The following CTTNBP2NL variants were observed in gnomAD, a reference collection of about 807,000 sequenced individuals.
The protein encoded by CTTNBP2NL is CTTNBP2 N-terminal-like protein.
CTTNBP2NL carries 16 observed loss-of-function variants against 32.5 expected under a neutral mutation model. The observed-to-expected ratio is 0.49, with a 90% CI of 0.33 to 0.75. The LOEUF (loss-of-function observed/expected upper bound fraction) is 0.75, where lower values mean the gene tolerates loss of function less well. Among genes scored for constraint, CTTNBP2NL ranks in the 30% least tolerant of loss-of-function variants. The probability of loss-of-function intolerance (pLI) is 0.02; values close to 1 mark genes in which losing one functional copy is unlikely to be tolerated. For missense variants in CTTNBP2NL, 645 were observed against 756.0 expected (o/e 0.85, Z 1.72); for synonymous variants, 298 against 289.4 (o/e 1.03, Z -0.30).
rs56784970 is a variant in CTTNBP2NL, at chr1:112,400,966, CAAAAAA to C, written c.-134+4713_-134+4718del. On this transcript the variant is annotated intron_variant, in intron 1 of 5. Transcript: ENST00000271277. ...GGGTGACACAGCAAGACTCTGTCAC[CAAAAAA>C]AAAAAAAAAAAAAAAAAAGGATTAC... Among the ~76,000 whole-genome samples, 129 of 102,886 alleles carry C rather than the reference CAAAAAA, an allele frequency of 1.3e-3. 1 individual carries two copies. The highest frequency in any genetic ancestry group is 4.7e-3 in the African/African-American group (122 of 25,826). The allele number at this position is 102,886 out of a possible 152,430, so 67.5% of individuals were successfully genotyped here.
upstream of CTTNBP2NL, among the ~76,000 whole-genome samples, chr1:112,393,399 T>C (rs1648230846): frequency 6.6e-6 from 1 of 152,206 alleles, no homozygotes; most frequent in Non-Finnish European, 1.5e-5. Flanking sequence ...TTAAGCACTT[T>C]AAGTTGTTGC....
At chr1:112,455,884 C>T in intron 5 of CTTNBP2NL, 47 bp from the exon 6 acceptor site, 1 of 1,400,188 alleles carries the variant, frequency 7.1e-7, no homozygotes, top group South Asian at 1.4e-5. Context: ...AGACAGTCTA[C>T]TTGATCACAG....
At chr1:112,405,444 T>C (rs1239464221) in intron 1 of CTTNBP2NL, among the ~76,000 whole-genome samples, 3 of 152,108 alleles carry the variant, frequency 2.0e-5, no homozygotes, top group Non-Finnish European at 4.4e-5. Context: ...ATCACAGGTG[T>C]GCGCCACCAT....
rs1299475827 is a variant in CTTNBP2NL at position 112,454,441 on chromosome 1, C to A, written c.331-8C>A. ...ATTTGAAAATGAAATTTAAAAAATT[C>A]TTTAAAGGTGATCCTAGACCTTGAG... On this transcript the variant is annotated splice_region_variant and splice_polypyrimidine_tract_variant and intron_variant, in intron 4 of 5. Coordinates refer to ENST00000271277, the MANE Select transcript of CTTNBP2NL (RefSeq NM_018704.3). The A allele has an allele frequency of 5.6e-6, 9 of 1,603,908 alleles. No individual in the cohort carries two copies. Among genetic ancestry groups the A allele is most frequent in the South Asian group, 1.1e-5 (1 of 90,478 alleles).
intron 5 of CTTNBP2NL, 149 bp downstream of exon 5, chr1:112,454,705 G>T (rs58288412): frequency 1.4e-5 from 9 of 653,038 alleles, no homozygotes; most frequent in Non-Finnish European, 1.7e-5. Context: ...AAGTTAAACA[G>T]GTTTCTAACT....
chr1:112,445,395 T>A (rs1408193554), intron 3 of CTTNBP2NL, among the ~76,000 whole-genome samples: 1 of 152,166 alleles, frequency 6.6e-6, no homozygotes, highest in Non-Finnish European at 1.5e-5. Flanking sequence ...GGGGTTTTTT[T>A]ATTATTTATA....
At chr1:112,452,335 C>CTTTTTTTTTTTTT (rs1157736195) in intron 4 of CTTNBP2NL, among the ~76,000 whole-genome samples, 1 of 65,688 alleles carries the variant, frequency 1.5e-5, no homozygotes, top group African/African-American at 6.1e-5. Flanking sequence ...CCAGTCTCTT[C>CTTTTTTTTTTTTT]TTTTTTTTTT....
At chr1:112,452,067 G>T (rs1650236586) in intron 4 of CTTNBP2NL, among the ~76,000 whole-genome samples, 1 of 152,006 alleles carries the variant, frequency 6.6e-6, no homozygotes, top group Non-Finnish European at 1.5e-5. Flanking sequence ...CTCCCAAAAG[G>T]GAGAAGATAA....
At chr1:112,415,522 C>T (rs537845075) in intron 2 of CTTNBP2NL, among the ~76,000 whole-genome samples, 2 of 150,806 alleles carry the variant, frequency 1.3e-5, no homozygotes, top group Admixed American at 6.6e-5. Flanking sequence ...ACAATTTTAC[C>T]TGAAAAATCA....
intron 1 of CTTNBP2NL, among the ~76,000 whole-genome samples, chr1:112,409,441 T>A (rs1759689): frequency 0.34 from 51,320 of 152,050 alleles, 9,112 homozygotes; most frequent in East Asian, 0.55. Flanking sequence ...TATAGATTTT[T>A]TTGAGGCATT....
At chr1:112,447,347 TCA>T (rs950380772) in intron 3 of CTTNBP2NL, among the ~76,000 whole-genome samples, 13 of 149,014 alleles carry the variant, frequency 8.7e-5, no homozygotes, top group South Asian at 2.1e-4. Context: ...CACTTTTAAT[TCA>T]CACACACACA....
chr1:112,416,043 C>T, intron 2 of CTTNBP2NL, 114 bp from the exon 3 acceptor site: 2 of 640,000 alleles, frequency 3.1e-6, no homozygotes, highest in Non-Finnish European at 5.5e-6. Flanking sequence ...CAACTATTTC[C>T]TTTATTAAGG....
At chr1:112,400,229 C>A (rs1648452452) in intron 1 of CTTNBP2NL, among the ~76,000 whole-genome samples, 1 of 152,186 alleles carries the variant, frequency 6.6e-6, no homozygotes, top group Admixed American at 6.5e-5. Flanking sequence ...ACTTTAAAGG[C>A]AAACCTAGGT....
intron 4 of CTTNBP2NL, 54 bp downstream of exon 4, chr1:112,449,226 C>G (rs911994934): frequency 3.3e-5 from 34 of 1,044,760 alleles, no homozygotes; most frequent in Non-Finnish European, 4.7e-5. Context: ...ATAAATTATG[C>G]CTGATACTTT....
At chr1:112,446,485 C>T (rs1650040490) in intron 3 of CTTNBP2NL, among the ~76,000 whole-genome samples, 1 of 152,010 alleles carries the variant, frequency 6.6e-6, no homozygotes, top group Non-Finnish European at 1.5e-5. Flanking sequence ...TTGATGAGTC[C>T]CATGTTGTTT....
chr1:112,410,072 C>T (rs1233276931), intron 1 of CTTNBP2NL, among the ~76,000 whole-genome samples: 1 of 152,160 alleles, frequency 6.6e-6, no homozygotes, highest in Non-Finnish European at 1.5e-5. Flanking sequence ...TGGGCAGGCT[C>T]ATTTGAAATC....
At chr1:112,418,891 T>C (rs1369776297) in intron 3 of CTTNBP2NL, among the ~76,000 whole-genome samples, 2 of 152,230 alleles carry the variant, frequency 1.3e-5, no homozygotes, top group African/African-American at 4.8e-5. Context: ...TATTTCTGAA[T>C]ATTCCACATC....
At chr1:112,393,628 C>G (rs554218389), upstream of CTTNBP2NL, among the ~76,000 whole-genome samples, 7 of 152,298 alleles carry the variant, frequency 4.6e-5, no homozygotes, top group Admixed American at 2.0e-4. Context: ...CTGAAAGATA[C>G]ACGAGGTTCA....
chr1:112,402,521 G>A (rs1648537936), intron 1 of CTTNBP2NL, among the ~76,000 whole-genome samples: 1 of 152,194 alleles, frequency 6.6e-6, no homozygotes, highest in African/African-American at 2.4e-5. Flanking sequence ...TGGAGAGAAG[G>A]ATGAAAGATA....
Sources: gnomAD v4.1 joint callset for allele counts (sites outside exome capture counted in the v4.1 genomes callset) on GRCh38, gnomAD v4.1.1 for gene constraint, MANE v1.5 for transcripts, NCBI Gene and HGNC (gene_info 2026-07-23, HGNC 2026-07-21) for gene names.